The following OR8D1 variants were observed in gnomAD, a reference collection of about 807,000 sequenced individuals.
OR8D1 encodes olfactory receptor 8D1.
For missense variants in OR8D1, 384 were observed against 366.8 expected, an observed-to-expected ratio of 1.05 and a Z score of -0.38; for synonymous variants, 143 against 147.0, an observed-to-expected ratio of 0.97 and a Z score of 0.20.
chr11:124,310,215 G>A lies in OR8D1; in HGVS notation c.552C>T (p.Leu184=), dbSNP rs765467159. 1.2e-6 allele frequency: 2 copies of A among 1,613,820 alleles called. No individual in the cohort carries two copies. The highest frequency in any genetic ancestry group is 8.5e-7 in the Non-Finnish European group (1 of 1,179,910). Residue 184 remains leucine (L), a synonymous_variant, in exon 3 of 3, where the codon CTC becomes CTT. Coordinates refer to ENST00000641015, the MANE Select transcript of OR8D1 (RefSeq NM_001002917.2). ...GTGTGTTGGAGCAGGAGAGATTGAG[G>A]AGGGGAAGAACATCACAGAAGTAAT... ...INHYFCDVLP[L]LNLSCSNTHL...
In OR8D1 at chr11:124,310,063, G is replaced by T. The variant is rs1169510186; in HGVS notation, c.704C>A (p.Ser235Tyr). Reference protein sequence around the residue: ...ILHIRSSEGRSKAFGTCSSHL... With the variant: ...ILHIRSSEGRYKAFGTCSSHL... ...AGAGCTGCATGTTCCAAAAGCTTTG[G>T]ACCGGCCCTCTGAGGAGCGGATGTG... is the stretch of plus-strand genomic sequence containing the variant. Residue 235 changes from serine (S) to tyrosine (Y), a missense_variant, in exon 3 of 3, where the codon TCC (serine) becomes TAC (tyrosine). Coordinates refer to ENST00000641015, the MANE Select transcript of OR8D1 (RefSeq NM_001002917.2). 2.5e-6 allele frequency: 4 copies of T among 1,613,366 alleles called. No individual in the cohort carries two copies. In the African/African-American group the frequency reaches 5.3e-5, roughly 22 times the overall value.
chr11:124,302,922 A>G lies in OR8D1; in HGVS notation c.*6918T>C, dbSNP rs1442149743. ...TACAAATGAGTATATGCAGGAATGC[A>G]GTTTCACAAGTGAATCTGGAGCCAG... On this transcript the variant is annotated 3_prime_UTR_variant, in exon 3 of 3. Coordinates refer to ENST00000641015, the MANE Select transcript of OR8D1 (RefSeq NM_001002917.2). 1 of 152,154 alleles carries G rather than the reference A, an allele frequency of 6.6e-6. No homozygotes were observed. The highest frequency in any genetic ancestry group is 1.5e-5 in the Non-Finnish European group (1 of 68,002). The allele number at this position is 152,154 out of a possible 1,614,324, so 9.4% of individuals were successfully genotyped here.
At position 124,309,592 on chromosome 11, in the gene OR8D1, C is replaced by T. The variant is rs985263354; in HGVS notation, c.*248G>A. The T allele has an allele frequency of 3.0e-5, 7 of 230,884 alleles. No individual in the cohort carries two copies. Among genetic ancestry groups the T allele is most frequent in the African/African-American group, 1.4e-4 (6 of 44,392 alleles). The allele number at this position is 230,884 out of a possible 1,614,324, so 14.3% of individuals were successfully genotyped here. ...ATCTGAATTCTCATGTCTTTTCTAT[C>T]ACAATTGGTAAAAGAAATTAAAACT... On this transcript the variant is annotated 3_prime_UTR_variant, in exon 3 of 3. Transcript: ENST00000641015.
rs759859903 is a variant in OR8D1 at position 124,310,439 on chromosome 11, C to T, written c.328G>A (p.Ala110Thr). The T allele has an allele frequency of 1.9e-6, 3 of 1,613,354 alleles. No individual in the cohort carries two copies. The highest frequency in any genetic ancestry group is 2.5e-6 in the Non-Finnish European group (3 of 1,179,806). ...ATGGCAGTCAGGAGGTAACCCTCAG[C>T]CACCACAAAGACCACAAAGAAAAAG... ...QLFFFVVFVV[A>T]EGYLLTAMAY... is the part of the protein sequence containing the mutation. The change falls in exon 3 of 3, where the codon GCT (alanine) becomes ACT (threonine). Residue 110 changes from alanine (A) to threonine (T), a missense_variant. Coordinates refer to ENST00000641015, the MANE Select transcript of OR8D1 (RefSeq NM_001002917.2).
In OR8D1 at chr11:124,310,250, T is replaced by C. The variant is rs1383620781; in HGVS notation, c.517A>G (p.Ile173Val). Residue 173 changes from isoleucine (I) to valine (V), a missense_variant, in exon 3 of 3, where the codon ATT becomes GTT. Physicochemically the swap from Ile to Val is conservative, Grantham distance 29. Coordinates refer to ENST00000641015, the MANE Select transcript of OR8D1 (RefSeq NM_001002917.2). ...MMKLSFCKSH[I>V]INHYFCDVLP... ...ACATCACAGAAGTAATGGTTGATAA[T>C]GTGGGATTTGCAAAAGGACAGTTTC... is the stretch of plus-strand genomic sequence containing the variant. 2 of 1,613,666 alleles carry C rather than the reference T, an allele frequency of 1.2e-6. No homozygotes were observed. Among genetic ancestry groups the C allele is most frequent in the Non-Finnish European group, 1.7e-6 (2 of 1,179,932 alleles).
intron 1 of OR8D1, among the ~76,000 whole-genome samples, chr11:124,312,134 A>G (rs1862427069): frequency 6.6e-6 from 1 of 152,222 alleles, no homozygotes; most frequent in African/African-American, 2.4e-5. Context: ...ACTTGTCAAC[A>G]TTTCATGTGG....
chr11:124,310,241 G>T lies in OR8D1; in HGVS notation c.526C>A (p.His176Asn). 2 of 1,613,822 alleles carry T rather than the reference G, an allele frequency of 1.2e-6. No homozygotes were observed. The highest frequency in any genetic ancestry group is 1.3e-5 in the African/African-American group (1 of 75,002). ...LSFCKSHIIN[H>N]YFCDVLPLLN... ...AGGGGAAGAACATCACAGAAGTAATGGTTGATAATGTGGGATTTGCAAAAG... is the reference window on the plus strand; with the variant it reads ...AGGGGAAGAACATCACAGAAGTAATTGTTGATAATGTGGGATTTGCAAAAG... Residue 176 changes from histidine (H) to asparagine (N), a missense_variant, in exon 3 of 3, where the codon CAT (histidine) becomes AAT (asparagine). Coordinates refer to ENST00000641015, the MANE Select transcript of OR8D1 (RefSeq NM_001002917.2).
chr11:124,309,917 T>C lies in OR8D1; in HGVS notation c.850A>G (p.Met284Val). ...SSVFYTTVIPMLNPLIYSLRN... is the reference protein window; with the variant it reads ...SSVFYTTVIPVLNPLIYSLRN... The stretch of plus-strand genomic sequence containing the variant: ...AGACTGTATATTAAAGGGTTCAGCA[T>C]GGGGATCACCGTGGTGTAGAACACA... Residue 284 changes from methionine to valine, a missense_variant, in exon 3 of 3, where the codon ATG becomes GTG. Transcript: ENST00000641015. 6.5e-7 allele frequency: 1 copy of C among 1,527,372 alleles called. No homozygotes were observed. The highest frequency in any genetic ancestry group is 8.8e-7 in the Non-Finnish European group (1 of 1,140,676). The allele number at this position is 1,527,372 out of a possible 1,614,324, so 94.6% of individuals were successfully genotyped here. A position where few individuals can be genotyped will look rare whatever the true frequency, so the allele number is the denominator to read the frequency against.
At position 124,302,838 on chromosome 11, in the gene OR8D1, T is replaced by G. The variant is rs1468549921; in HGVS notation, c.*7002A>C. On this transcript the variant is annotated 3_prime_UTR_variant, in exon 3 of 3. Coordinates refer to ENST00000641015, the MANE Select transcript of OR8D1 (RefSeq NM_001002917.2). Reference sequence around the variant, plus strand: ...AGTTTTATTTATTCACATATTTAACTTATCTTACTCTCATAACGGTTTTAT... The same window carrying G: ...AGTTTTATTTATTCACATATTTAACGTATCTTACTCTCATAACGGTTTTAT... 1 of 152,140 alleles carries G rather than the reference T, an allele frequency of 6.6e-6. No individual in the cohort carries two copies. Among genetic ancestry groups the G allele is most frequent in the East Asian group, 1.9e-4 (1 of 5,188 alleles). 9.4% of individuals were successfully genotyped at this position (152,140 alleles called of 1,614,324 possible).
chr11:124,312,367 C>CT (rs1335167241), intron 1 of OR8D1, among the ~76,000 whole-genome samples: 1 of 151,898 alleles, frequency 6.6e-6, no homozygotes, highest in African/African-American at 2.4e-5. Context: ...AGTGTTTGGC[C>CT]TTTTTTGAAG....
At position 124,307,915 on chromosome 11, in the gene OR8D1, T is replaced by A. The variant is rs895803735; in HGVS notation, c.*1925A>T. On this transcript the variant is annotated 3_prime_UTR_variant, in exon 3 of 3. Coordinates refer to ENST00000641015, the MANE Select transcript of OR8D1 (RefSeq NM_001002917.2). ...CTTTCCCTTTAAAGGGGTGGTAGAT[T>A]TCACTCATGAACCAAAAAATAAAAA... 1 of 151,902 alleles carries A rather than the reference T, an allele frequency of 6.6e-6. No individual in the cohort carries two copies. Among genetic ancestry groups the A allele is most frequent in the Admixed American group, 6.6e-5 (1 of 15,182 alleles). 9.4% of individuals were successfully genotyped at this position (151,902 alleles called of 1,614,324 possible).
In OR8D1 at chr11:124,310,316, A is replaced by G. The variant is rs147105418; in HGVS notation, c.451T>C (p.Leu151=). 6.2e-7 allele frequency: 1 copy of G among 1,613,822 alleles called. No individual in the cohort carries two copies. Among genetic ancestry groups the G allele is most frequent in the Non-Finnish European group, 8.5e-7 (1 of 1,179,930 alleles). ...TGAGTCAAGGCAGAGAGAAAGCCCA[A>G]GAAGAAGGCAGCCAGCACTAGCAGT... ...CSLLVLAAFF[L]GFLSALTHTS... Residue 151 remains leucine, a synonymous_variant, in exon 3 of 3, where the codon TTG becomes CTG. Transcript: ENST00000641015.
In OR8D1 at chr11:124,308,671, G is replaced by A. The variant is rs1450812748; in HGVS notation, c.*1169C>T. ...AAGCTAAAATCTAGAGTATTAGGTT[G>A]TAAAAATTATTTTGGCAAAAACAAA... On this transcript the variant is annotated 3_prime_UTR_variant, in exon 3 of 3. Transcript: ENST00000641015. The A allele has an allele frequency of 6.6e-6, 1 of 151,952 alleles. No individual in the cohort carries two copies. The highest frequency in any genetic ancestry group is 1.9e-4 in the East Asian group (1 of 5,182). The allele number at this position is 151,952 out of a possible 1,614,324, so 9.4% of individuals were successfully genotyped here. A position where few individuals can be genotyped will look rare whatever the true frequency, so the allele number is the denominator to read the frequency against.
In OR8D1 at chr11:124,303,312, C is replaced by T. The variant is rs1862340487; in HGVS notation, c.*6528G>A. On this transcript the variant is annotated 3_prime_UTR_variant, in exon 3 of 3. Coordinates refer to ENST00000641015, the MANE Select transcript of OR8D1 (RefSeq NM_001002917.2). ...GCCCCCATAATCCAACCACCTCCCT[C>T]TCTTGACACACGGGGATTACAGGTC... The T allele has an allele frequency of 6.6e-6, 1 of 152,100 alleles. No individual in the cohort carries two copies. Among genetic ancestry groups the T allele is most frequent in the Middle Eastern group, 3.2e-3 (1 of 316 alleles). The allele number at this position is 152,100 out of a possible 1,614,324, so 9.4% of individuals were successfully genotyped here. A position where few individuals can be genotyped will look rare whatever the true frequency, so the allele number is the denominator to read the frequency against.
At chr11:124,312,822 A>G (rs1862434485) in intron 1 of OR8D1, among the ~76,000 whole-genome samples, 1 of 151,874 alleles carries the variant, frequency 6.6e-6, no homozygotes. Context: ...GAAGGTAGGA[A>G]TTTATGTTTA....
rs369956026 is a variant in OR8D1, at chr11:124,310,110, G to T, written c.657C>A (p.Ala219=). 17 of 1,613,612 alleles carry T rather than the reference G, an allele frequency of 1.1e-5. No individual in the cohort carries two copies. Among genetic ancestry groups the T allele is most frequent in the Non-Finnish European group, 1.4e-5 (17 of 1,179,866 alleles). ...VPTLAVAVSY[A]FILYSILHIR... The stretch of plus-strand genomic sequence containing the variant: ...TGTGAAGGATGCTGTAGAGGATGAA[G>T]GCATAGGAGACAGCAACAGCTAGGG... Residue 219 remains alanine, a synonymous_variant, in exon 3 of 3, where the codon GCC becomes GCA. Transcript: ENST00000641015.
At position 124,303,949 on chromosome 11, in the gene OR8D1, G is replaced by C. The variant is rs1430320493; in HGVS notation, c.*5891C>G. On this transcript the variant is annotated 3_prime_UTR_variant, in exon 3 of 3. Coordinates refer to ENST00000641015, the MANE Select transcript of OR8D1 (RefSeq NM_001002917.2). ...AATATCACTTTTTACATTTTTAAAT[G>C]GTTGAAAAAAATCAAAATAAAATTA... 6.6e-6 allele frequency: 1 copy of C among 151,694 alleles called. No homozygotes were observed. The highest frequency in any genetic ancestry group is 1.5e-5 in the Non-Finnish European group (1 of 67,866). The allele number at this position is 151,694 out of a possible 1,614,324, so 9.4% of individuals were successfully genotyped here.
chr11:124,313,526 C>T (rs574649743), intron 1 of OR8D1, among the ~76,000 whole-genome samples, 195 bp downstream of exon 1: 285 of 152,058 alleles, frequency 1.9e-3, no homozygotes, highest in Non-Finnish European at 3.6e-3. Context: ...GATTTTGTGA[C>T]CCAGGTTATA....
intron 1 of OR8D1, among the ~76,000 whole-genome samples, chr11:124,313,148 C>T (rs2512222): frequency 0.24 from 36,135 of 147,822 alleles, 5,528 homozygotes; most frequent in African/African-American, 0.44. Flanking sequence ...CACTCCAGCG[C>T]GGGTGACAGA....
Sources: allele counts gnomAD v4.1 joint callset (sites outside exome capture counted in the v4.1 genomes callset), GRCh38; gene constraint gnomAD v4.1.1; transcripts MANE v1.5; gene names NCBI Gene and HGNC (gene_info 2026-07-23, HGNC 2026-07-21).